Variants in GPC6 observed in about 807,000 individuals in gnomAD.
The protein encoded by GPC6 is glypican-6.
GPC6 carries 14 observed loss-of-function variants against 55.2 expected under a neutral mutation model. The ratio of observed to expected loss-of-function variants is 0.25; its 90% confidence interval spans 0.17 to 0.40. The LOEUF (loss-of-function observed/expected upper bound fraction) is 0.40, where lower values mean the gene tolerates loss of function less well. Ranked by LOEUF, GPC6 falls within the 10% of genes least tolerant of loss-of-function variation. The pLI, the probability that GPC6 is intolerant of heterozygous loss-of-function variation, is 1.00. For missense variants in GPC6, 641 were observed against 708.5 expected, an observed-to-expected ratio of 0.90 and a Z score of 1.08; for synonymous variants, 278 against 259.6, an observed-to-expected ratio of 1.07 and a Z score of -0.68.
intron 6 of GPC6, among the ~76,000 whole-genome samples, chr13:94,320,921 A>G (rs1594165913): frequency 6.6e-6 from 1 of 152,158 alleles, no homozygotes; most frequent in Non-Finnish European, 1.5e-5. Context: ...TGTTTTTTAA[A>G]CTTTTATTTT....
intron 3 of GPC6, among the ~76,000 whole-genome samples, chr13:93,948,009 G>A (rs761419446): frequency 9.2e-5 from 14 of 151,850 alleles, no homozygotes; most frequent in Non-Finnish European, 1.5e-4. Flanking sequence ...CAATATTATT[G>A]TATCCTGTGT....
At chr13:93,269,120 A>G (rs1245060082) in intron 1 of GPC6, among the ~76,000 whole-genome samples, 1 of 152,220 alleles carries the variant, frequency 6.6e-6, no homozygotes, top group African/African-American at 2.4e-5. Context: ...GAATCAGGTT[A>G]AAGGTAGGTT....
chr13:93,299,466 G>A (rs755981260), intron 1 of GPC6, among the ~76,000 whole-genome samples: 10 of 152,182 alleles, frequency 6.6e-5, no homozygotes, highest in Admixed American at 1.3e-4. Flanking sequence ...CATAATAAAT[G>A]TTGCTGAATG....
intron 6 of GPC6, among the ~76,000 whole-genome samples, chr13:94,373,821 C>T (rs1329451126): frequency 1.3e-5 from 2 of 152,186 alleles, no homozygotes; most frequent in East Asian, 1.9e-4. Flanking sequence ...AGAGAAAGGT[C>T]GGGTTACCCT....
At chr13:93,351,185 G>A (rs564068476) in intron 1 of GPC6, among the ~76,000 whole-genome samples, 1 of 152,190 alleles carries the variant, frequency 6.6e-6, no homozygotes, top group East Asian at 1.9e-4. Context: ...TGATAAACAA[G>A]AAACAGCATT....
At chr13:93,586,873 C>T (rs1172502154) in intron 2 of GPC6, among the ~76,000 whole-genome samples, 1 of 151,910 alleles carries the variant, frequency 6.6e-6, no homozygotes, top group Admixed American at 6.6e-5. Flanking sequence ...ATTGGGGATT[C>T]TGTGAAATAG....
intron 2 of GPC6, among the ~76,000 whole-genome samples, chr13:93,550,438 G>A (rs947062952): frequency 8.6e-5 from 13 of 151,974 alleles, no homozygotes; most frequent in African/African-American, 3.1e-4. Context: ...CATATGTCCA[G>A]AAATTTTGGC....
chr13:93,942,221 C>T (rs1433837041), intron 3 of GPC6, among the ~76,000 whole-genome samples: 1 of 152,184 alleles, frequency 6.6e-6, no homozygotes, highest in Non-Finnish European at 1.5e-5. Context: ...TGAAACTTAG[C>T]AGCTTAAAGC....
intron 6 of GPC6, among the ~76,000 whole-genome samples, chr13:94,375,283 CA>C (rs758044341): frequency 0.01 from 1,586 of 151,804 alleles, 24 homozygotes; most frequent in Non-Finnish European, 0.014. Flanking sequence ...AAAGGATCAA[CA>C]AAATTGATAG....
chr13:93,540,860 G>T (rs1313135547), intron 1 of GPC6, among the ~76,000 whole-genome samples: 1 of 151,888 alleles, frequency 6.6e-6, no homozygotes, highest in Non-Finnish European at 1.5e-5. Flanking sequence ...ACCCTTCCCA[G>T]CCTCTAGTAT....
Position 93,532,568 on chromosome 13 carries a change from C to T in GPC6, c.161-12695C>T, listed in dbSNP as rs534625772. On this transcript the variant is annotated intron_variant, in intron 1 of 8. Transcript: ENST00000377047. Reference sequence around the variant, plus strand: ...GTGAGAAAAAGAAAAGATAGCTTTTCTCACTCCAGATGCTTTCTGCTTTCT... The same window carrying T: ...GTGAGAAAAAGAAAAGATAGCTTTTTTCACTCCAGATGCTTTCTGCTTTCT... Among the ~76,000 whole-genome samples the T allele has an allele frequency of 3.7e-3, 569 of 152,300 alleles. 3 individuals carry two copies. Among genetic ancestry groups the T allele is most frequent in the Non-Finnish European group, 5.3e-3 (358 of 68,022 alleles).
intron 1 of GPC6, chr13:93,395,410 A>C (rs1004378046): frequency 2.4e-5 from 7 of 288,510 alleles, no homozygotes; most frequent in African/African-American, 1.6e-4. Flanking sequence ...GGCCATCAAA[A>C]GTTACAGAAG....
At chr13:94,375,977 A>G (rs1594219278) in intron 6 of GPC6, among the ~76,000 whole-genome samples, 1 of 4,832 alleles carries the variant, frequency 2.1e-4, no homozygotes, top group South Asian at 4.7e-3. Flanking sequence ...ATGCAGAAAA[A>G]GCCTTTGACA....
intron 2 of GPC6, among the ~76,000 whole-genome samples, chr13:93,550,601 TCTG>T (rs1875096006): frequency 6.6e-6 from 1 of 152,100 alleles, no homozygotes; most frequent in African/African-American, 2.4e-5. Flanking sequence ...ACACTGCAAA[TCTG>T]CTTGTGTTTT....
intron 3 of GPC6, among the ~76,000 whole-genome samples, chr13:93,864,586 G>A (rs1301944309): frequency 2.6e-5 from 4 of 151,658 alleles, no homozygotes; most frequent in Admixed American, 6.6e-5. Context: ...ATGTAACAGG[G>A]CAGTAATAAA....
At chr13:94,070,219 C>G (rs1057240943) in intron 4 of GPC6, among the ~76,000 whole-genome samples, 4 of 151,816 alleles carry the variant, frequency 2.6e-5, no homozygotes. Context: ...GTTTTTGAAA[C>G]CATCAAGTCT....
chr13:93,291,443 A>G (rs1878317087), intron 1 of GPC6, among the ~76,000 whole-genome samples: 1 of 152,202 alleles, frequency 6.6e-6, no homozygotes, highest in Admixed American at 6.5e-5. Context: ...TGAACAAAAC[A>G]AAGAGGCTAA....
intron 2 of GPC6, among the ~76,000 whole-genome samples, chr13:93,574,804 A>T (rs987797714): frequency 1.3e-5 from 2 of 152,170 alleles, no homozygotes; most frequent in African/African-American, 4.8e-5. Context: ...TGAATATTTC[A>T]TATAAATAGA....
At chr13:93,614,911 T>A (rs1878651186) in intron 2 of GPC6, among the ~76,000 whole-genome samples, 1 of 152,034 alleles carries the variant, frequency 6.6e-6, no homozygotes, top group South Asian at 2.1e-4. Flanking sequence ...TTCCTCTGAG[T>A]ATACTTGGGT....
Sources: allele counts gnomAD v4.1 joint callset (sites outside exome capture counted in the v4.1 genomes callset), GRCh38; gene constraint gnomAD v4.1.1; transcripts MANE v1.5; gene names NCBI Gene and HGNC (gene_info 2026-07-23, HGNC 2026-07-21).